MYO3A: variants seen among roughly 807,000 people sequenced by gnomAD.
The protein encoded by MYO3A is myosin-IIIa.
MYO3A carries 180 observed loss-of-function variants against 192.7 expected under a neutral mutation model. The observed-to-expected ratio is 0.93, with a 90% CI of 0.83 to 1.06. The LOEUF (loss-of-function observed/expected upper bound fraction) is 1.06. Among genes scored for constraint, MYO3A ranks in the 50% least tolerant of loss-of-function variants. MYO3A has a pLI of 0.00. For synonymous variants in MYO3A, 628 were observed against 645.3 expected, an observed-to-expected ratio of 0.97 and a Z score of 0.41; for missense variants, 1,896 against 1,905.0, an observed-to-expected ratio of 1.00 and a Z score of 0.09.
rs564847647 is a variant in MYO3A, at chr10:25,937,354, G to T, written c.-18+1524G>T. ...GCAGACATTTGAGTTTGTGATTTCA[G>T]ACTCTGGAAATATCCCTTACTAACT... On this transcript the variant is annotated intron_variant, in intron 2 of 34. Transcript: ENST00000642920. Among the ~76,000 whole-genome samples the T allele has an allele frequency of 4.1e-4, 62 of 152,290 alleles. 1 individual carries two copies. The highest frequency in any genetic ancestry group is 1.3e-3 in the African/African-American group (52 of 41,562).
chr10:25,968,503 T>C (rs1418503629), intron 4 of MYO3A, among the ~76,000 whole-genome samples: 1 of 152,200 alleles, frequency 6.6e-6, no homozygotes, highest in Non-Finnish European at 1.5e-5. Flanking sequence ...AGGGCAGATA[T>C]GAAACATTTG....
intron 14 of MYO3A, among the ~76,000 whole-genome samples, chr10:26,076,425 AG>A (rs1425994806): frequency 1.3e-5 from 2 of 152,052 alleles, no homozygotes; most frequent in African/African-American, 4.8e-5. Context: ...TAGATTGTGA[AG>A]ATTTTTTTTC....
chr10:26,197,962 G>A (rs762667214), intron 32 of MYO3A, among the ~76,000 whole-genome samples: 16 of 152,140 alleles, frequency 1.1e-4, no homozygotes, highest in African/African-American at 2.4e-4. Context: ...GCCTATGCTC[G>A]CTGTTACAGC....
rs1841751852 is a variant in MYO3A at position 26,166,372 on chromosome 10, G to T, written c.3111+194G>T. ...ATTAAAGGCTTTTGCTCTTCATAAA[G>T]ATTTCTTTTAAGAAATACAAAAGGC... On this transcript the variant is annotated intron_variant, in intron 27 of 34. Coordinates refer to ENST00000642920, the MANE Select transcript of MYO3A (RefSeq NM_017433.5). 6 of 618,536 alleles carry T rather than the reference G, an allele frequency of 9.7e-6. No individual in the cohort carries two copies. In the Admixed American group the frequency reaches 1.7e-4, roughly 18 times the overall value. 38.3% of individuals were successfully genotyped at this position (618,536 alleles called of 1,614,324 possible).
chr10:25,963,224 T>A (rs1370492745), intron 4 of MYO3A, among the ~76,000 whole-genome samples: 1 of 152,206 alleles, frequency 6.6e-6, no homozygotes, highest in Non-Finnish European at 1.5e-5. Flanking sequence ...CAGGTGGTAT[T>A]TCAAAGCACG....
At chr10:26,184,421 ACAGT>A (rs1291368508) in intron 31 of MYO3A, among the ~76,000 whole-genome samples, 2 of 152,240 alleles carry the variant, frequency 1.3e-5, no homozygotes, top group Non-Finnish European at 2.9e-5. Context: ...GGAAAAAATT[ACAGT>A]AACAAGTGCA....
intron 6 of MYO3A, among the ~76,000 whole-genome samples, chr10:26,011,219 A>G (rs1254239833): frequency 1.3e-5 from 2 of 152,148 alleles, no homozygotes; most frequent in African/African-American, 4.8e-5. Flanking sequence ...GCTTGAGCCA[A>G]CGAGTTCAAG....
intron 34 of MYO3A, among the ~76,000 whole-genome samples, chr10:26,209,182 A>G (rs1844109179): frequency 2.0e-5 from 3 of 152,184 alleles, no homozygotes; most frequent in Admixed American, 2.0e-4. Flanking sequence ...TCAGGATTCT[A>G]TGGATGACCT....
chr10:26,125,456 T>C lies in MYO3A; in HGVS notation c.1962T>C (p.Cys654=). Residue 654 remains cysteine, a synonymous_variant, in exon 19 of 35, where the codon TGT becomes TGC. Transcript: ENST00000642920. The part of the protein sequence containing the change: ...DELQEALTSH[C]VVTRGETIIR... ...TACAAGAAGCTCTCACCTCCCACTG[T>C]GTGGTCACTAGAGGAGAAACAATTA... 1 of 1,614,080 alleles carries C rather than the reference T, an allele frequency of 6.2e-7. No homozygotes were observed. The highest frequency in any genetic ancestry group is 8.5e-7 in the Non-Finnish European group (1 of 1,179,948).
rs373100767 is a variant in MYO3A at position 26,073,396 on chromosome 10, C to T, written c.1359+2995C>T. ...ACCATCCTGGCTAACACTGAAACTC[C>T]GTCAGTACTAAAAATACAAAAAATT... On this transcript the variant is annotated intron_variant, in intron 14 of 34. Transcript: ENST00000642920. Among the ~76,000 whole-genome samples the T allele has an allele frequency of 5.3e-5, 8 of 152,134 alleles. No individual in the cohort carries two copies. The East Asian group carries it at 7.7e-4, about 15-fold the overall frequency.
intron 2 of MYO3A, among the ~76,000 whole-genome samples, chr10:25,950,045 A>G (rs7900008): frequency 0.01 from 1,536 of 152,236 alleles, 25 homozygotes; most frequent in African/African-American, 0.034. Flanking sequence ...CAAAGCCCAT[A>G]CCCTCATGTA....
intron 17 of MYO3A, among the ~76,000 whole-genome samples, chr10:26,096,938 A>AAT (rs1263920291): frequency 1.3e-4 from 20 of 150,894 alleles, no homozygotes; most frequent in Admixed American, 1.2e-3. Flanking sequence ...ATATATGGGA[A>AAT]ATATATATAT....
At position 26,192,001 on chromosome 10, in the gene MYO3A, T is replaced by C. The variant is rs188085311; in HGVS notation, c.4439-1204T>C. ...GAATGAAGCTTTCCAATAAGTACCA[T>C]ACCCAACTCACACTTGTATCCTGAT... is the stretch of plus-strand genomic sequence containing the variant. On this transcript the variant is annotated intron_variant, in intron 31 of 34. Coordinates refer to ENST00000642920, the MANE Select transcript of MYO3A (RefSeq NM_017433.5). 9.2e-5 allele frequency among the ~76,000 whole-genome samples: 14 copies of C among 152,304 alleles called. No individual in the cohort carries two copies. In the East Asian group the frequency reaches 2.5e-3, roughly 27 times the overall value.
chr10:25,940,156 G>A (rs1466913975), intron 2 of MYO3A, among the ~76,000 whole-genome samples: 2 of 151,982 alleles, frequency 1.3e-5, no homozygotes, highest in Non-Finnish European at 2.9e-5. Flanking sequence ...GGTGAGTGTA[G>A]TCCAGTTATA....
At chr10:26,202,267 A>G (rs1843710794) in intron 33 of MYO3A, among the ~76,000 whole-genome samples, 1 of 152,168 alleles carries the variant, frequency 6.6e-6, no homozygotes, top group Non-Finnish European at 1.5e-5. Flanking sequence ...TCCTTTTTAG[A>G]TTAGTATCTG....
chr10:26,019,533 G>A (rs568219824), intron 7 of MYO3A, among the ~76,000 whole-genome samples: 1 of 152,264 alleles, frequency 6.6e-6, no homozygotes. Context: ...AGCCAGGATG[G>A]TCTCGATCTA....
intron 10 of MYO3A, among the ~76,000 whole-genome samples, chr10:26,045,431 T>C (rs74126331): frequency 0.16 from 24,692 of 152,054 alleles, 2,308 homozygotes; most frequent in Non-Finnish European, 0.21. Context: ...TCATTATGTA[T>C]GTATGAAAAC....
intron 15 of MYO3A, among the ~76,000 whole-genome samples, chr10:26,095,020 A>G (rs1164889670): frequency 6.6e-6 from 1 of 152,052 alleles, no homozygotes; most frequent in African/African-American, 2.4e-5. Context: ...AAGGCTGTGG[A>G]GGGGGTGAAG....
rs1844256861 is a variant in MYO3A at position 26,212,236 on chromosome 10, C to A, written c.*273C>A. 4.0e-6 allele frequency: 2 copies of A among 505,264 alleles called. No homozygotes were observed. The highest frequency in any genetic ancestry group is 7.0e-6 in the Non-Finnish European group (2 of 285,834). The allele number at this position is 505,264 out of a possible 1,614,324, so 31.3% of individuals were successfully genotyped here. On this transcript the variant is annotated 3_prime_UTR_variant, in exon 35 of 35. Coordinates refer to ENST00000642920, the MANE Select transcript of MYO3A (RefSeq NM_017433.5). ...CACCAGCCCGCCAGTTGTGGCAACC[C>A]TGTCCTTGTTCCCCTAATCTATCAC...
Sources: gnomAD v4.1 joint callset for allele counts (sites outside exome capture counted in the v4.1 genomes callset) on GRCh38, gnomAD v4.1.1 for gene constraint, MANE v1.5 for transcripts, NCBI Gene and HGNC (gene_info 2026-07-23, HGNC 2026-07-21) for gene names.